NRG1: variants seen among roughly 807,000 people sequenced by gnomAD.
The protein encoded by NRG1 is neuregulin 1, also known as pro-neuregulin-1, membrane-bound isoform.
NRG1 carries 18 observed loss-of-function variants against 63.8 expected under a neutral mutation model. The observed-to-expected ratio is 0.28, with a 90% CI of 0.19 to 0.42. The LOEUF is 0.42. Ranked by LOEUF, NRG1 falls within the 10% of genes least tolerant of loss-of-function variation. The pLI is 1.00. For missense variants in NRG1, 762 were observed against 814.7 expected (o/e 0.94, Z 0.79); for synonymous variants, 302 against 301.3 (o/e 1.00, Z -0.02).
chr8:32,208,375 A>T (rs372524178), intron 1 of NRG1, among the ~76,000 whole-genome samples: 201 of 151,154 alleles, frequency 1.3e-3, no homozygotes, highest in African/African-American at 4.5e-3. Flanking sequence ...CCTCTGCCTC[A>T]GCCTCCCGAG....
chr8:32,282,088 C>T (rs777627816), intron 1 of NRG1, among the ~76,000 whole-genome samples: 1 of 152,168 alleles, frequency 6.6e-6, no homozygotes, highest in Admixed American at 6.5e-5. Flanking sequence ...TCTAACTTGA[C>T]AGTGTGGAGA....
intron 1 of NRG1, among the ~76,000 whole-genome samples, chr8:31,709,764 CTTT>C (rs947079085): frequency 9.9e-5 from 15 of 151,566 alleles, no homozygotes; most frequent in African/African-American, 3.6e-4. Context: ...TCTCTTTTGG[CTTT>C]TTTATTTTTC....
chr8:32,452,187 A>G (rs1188693722), intron 1 of NRG1, among the ~76,000 whole-genome samples: 2 of 152,140 alleles, frequency 1.3e-5, no homozygotes, highest in African/African-American at 2.4e-5. Flanking sequence ...TGTCAACTAC[A>G]ATGATAATAA....
chr8:32,225,990 T>C (rs1301152695), intron 1 of NRG1, among the ~76,000 whole-genome samples: 1 of 152,188 alleles, frequency 6.6e-6, no homozygotes, highest in South Asian at 2.1e-4. Flanking sequence ...TCAGATTCTA[T>C]ACATTTCACT....
chr8:32,578,286 GC>G (rs1486261268), intron 1 of NRG1, among the ~76,000 whole-genome samples: 2 of 152,136 alleles, frequency 1.3e-5, no homozygotes, highest in African/African-American at 4.8e-5. Flanking sequence ...GAGCCACCGT[GC>G]CCGGCCAGAT....
chr8:32,087,258 A>C (rs528362913), intron 1 of NRG1, among the ~76,000 whole-genome samples: 1 of 152,066 alleles, frequency 6.6e-6, no homozygotes, highest in East Asian at 1.9e-4. Flanking sequence ...CTTGGTGATA[A>C]GTAAGTTTTT....
At chr8:32,280,109 T>C (rs1443545148) in intron 1 of NRG1, among the ~76,000 whole-genome samples, 1 of 152,228 alleles carries the variant, frequency 6.6e-6, no homozygotes, top group East Asian at 1.9e-4. Flanking sequence ...CCTGTATGAA[T>C]AATAAATGAA....
At chr8:31,692,955 G>A (rs146268056) in intron 1 of NRG1, among the ~76,000 whole-genome samples, 177 of 152,290 alleles carry the variant, frequency 1.2e-3, no homozygotes, top group Middle Eastern at 3.4e-3. Context: ...ACCTGGGTTG[G>A]ACGATTACCC....
chr8:32,088,028 A>T (rs1249449250), intron 1 of NRG1, among the ~76,000 whole-genome samples: 1 of 152,106 alleles, frequency 6.6e-6, no homozygotes, highest in Non-Finnish European at 1.5e-5. Flanking sequence ...CCAAGGTGGT[A>T]TTCTAGCCAT....
At chr8:31,639,964 A>T in intron 1 of NRG1, 1 of 1,124,230 alleles carries the variant, frequency 8.9e-7, no homozygotes, top group Non-Finnish European at 1.1e-6. Context: ...GACAGCCAGA[A>T]GCCCGCACGC....
intron 1 of NRG1, among the ~76,000 whole-genome samples, chr8:31,674,546 T>A (rs952092481): frequency 1.5e-4 from 19 of 126,184 alleles, no homozygotes; most frequent in African/African-American, 5.3e-4. Flanking sequence ...CTTTCATCTA[T>A]GCATCTGGGT....
intron 1 of NRG1, among the ~76,000 whole-genome samples, chr8:32,405,382 G>T (rs573156700): frequency 6.6e-6 from 1 of 152,276 alleles, no homozygotes. Flanking sequence ...TATTAAATAA[G>T]CAAATGCTTC....
chr8:32,208,401 G>A (rs1844301917), intron 1 of NRG1, among the ~76,000 whole-genome samples: 2 of 151,592 alleles, frequency 1.3e-5, no homozygotes. Context: ...GGAATTACAG[G>A]CACCCTCCAC....
chr8:32,766,018 G>A (rs183442116), exon 12 of NRG1: 22 of 152,250 alleles, frequency 1.4e-4, no homozygotes, highest in Non-Finnish European at 2.8e-4. Context: ...GATTCACATG[G>A]CCTCCTAGGA....
chr8:31,916,176 A>G (rs539455841), intron 1 of NRG1, among the ~76,000 whole-genome samples: 4 of 152,258 alleles, frequency 2.6e-5, no homozygotes, highest in East Asian at 3.9e-4. Context: ...ATTATATAAT[A>G]GGCTTAGTAC....
At chr8:32,477,264 C>T (rs1824644349) in intron 1 of NRG1, among the ~76,000 whole-genome samples, 1 of 152,094 alleles carries the variant, frequency 6.6e-6, no homozygotes, top group South Asian at 2.1e-4. Flanking sequence ...TGGCATGAAC[C>T]AGAGGTCAGC....
Position 32,330,041 on chromosome 8 carries a change from TAAAAAAAAAAAAAAAAAAAAAAAA to T in NRG1, c.38-265770_38-265747del, listed in dbSNP as rs532006401. On this transcript the variant is annotated intron_variant, in intron 1 of 10. Coordinates refer to the NRG1 transcript ENST00000519301. The stretch of plus-strand genomic sequence containing the variant: ...GCATGTGCCTCCACACCTAGCTAAT[TAAAAAAAAAAAAAAAAAAAAAAAA>T]AAAAAAAAAAAAAAAAGTGTGTAGG... Among the ~76,000 whole-genome samples the T allele has an allele frequency of 2.8e-4, 12 of 43,020 alleles. 1 individual carries two copies. In the South Asian group the frequency reaches 4.5e-3, roughly 16 times the overall value. 28.2% of individuals were successfully genotyped at this position (43,020 alleles called of 152,430 possible).
At chr8:32,380,357 A>G (rs1554522994) in intron 1 of NRG1, among the ~76,000 whole-genome samples, 1 of 152,010 alleles carries the variant, frequency 6.6e-6, no homozygotes, top group Non-Finnish European at 1.5e-5. Flanking sequence ...ATAAATGTAG[A>G]GTGTTTCTGG....
chr8:32,402,778 G>T (rs1463594339), intron 1 of NRG1, among the ~76,000 whole-genome samples: 2 of 152,150 alleles, frequency 1.3e-5, no homozygotes, highest in Non-Finnish European at 2.9e-5. Context: ...TGCTGAAGTT[G>T]TTAGATCTTC....
Sources: gnomAD v4.1 joint callset for allele counts (sites outside exome capture counted in the v4.1 genomes callset) on GRCh38, gnomAD v4.1.1 for gene constraint, MANE v1.5 for transcripts, NCBI Gene and HGNC (gene_info 2026-07-23, HGNC 2026-07-21) for gene names.